Variants in SLC26A7 observed in about 807,000 individuals in gnomAD.
SLC26A7 encodes solute carrier family 26 member 7.
In SLC26A7, 59 loss-of-function variants were observed where a neutral mutation model predicts 82.5. The observed-to-expected ratio is 0.72, with a 90% CI of 0.58 to 0.89. The LOEUF is 0.89. SLC26A7 is among the 40% of genes least tolerant of loss of function. The pLI, the probability that SLC26A7 is intolerant of heterozygous loss-of-function variation, is 0.00. For synonymous variants in SLC26A7, 271 were observed against 274.3 expected (o/e 0.99, Z 0.12); for missense variants, 820 against 793.0 (o/e 1.03, Z -0.41).
chr8:91,264,423 A>G (rs1811052928), intron 2 of SLC26A7, among the ~76,000 whole-genome samples: 1 of 152,082 alleles, frequency 6.6e-6, no homozygotes, highest in Non-Finnish European at 1.5e-5. Flanking sequence ...CTGACACTTC[A>G]AAACAAAATA....
intron 18 of SLC26A7, 117 bp downstream of exon 18, chr8:91,394,156 C>T (rs1808500263): frequency 1.7e-5 from 27 of 1,598,518 alleles, no homozygotes; most frequent in Non-Finnish European, 2.1e-5. Flanking sequence ...TGTTAGCCCC[C>T]CACCCCACCC....
At chr8:91,367,308 G>A (rs929120571) in intron 14 of SLC26A7, among the ~76,000 whole-genome samples, 2 of 152,060 alleles carry the variant, frequency 1.3e-5, no homozygotes, top group Non-Finnish European at 2.9e-5. Context: ...GCGCCCAGTC[G>A]AAAGGATCTT....
chr8:91,289,029 A>G (rs1811789428), intron 2 of SLC26A7, 107 bp from the exon 3 acceptor site: 2 of 705,876 alleles, frequency 2.8e-6, no homozygotes, highest in African/African-American at 3.6e-5. Flanking sequence ...AAGTAGAATA[A>G]AGTATGATTC....
intron 3 of SLC26A7, among the ~76,000 whole-genome samples, chr8:91,293,022 T>A (rs1010196332): frequency 2.6e-5 from 4 of 152,234 alleles, no homozygotes; most frequent in African/African-American, 9.6e-5. Flanking sequence ...TATAATATGA[T>A]AGGACTTGAG....
At chr8:91,394,586 A>G (rs553692238) in intron 18 of SLC26A7, 1 of 1,191,128 alleles carries the variant, frequency 8.4e-7, no homozygotes, top group Non-Finnish European at 1.0e-6. Flanking sequence ...TGAGTTTTGA[A>G]TTGTTTTGCC....
chr8:91,291,558 AAAAAGG>A (rs1401796168), intron 3 of SLC26A7, among the ~76,000 whole-genome samples: 32 of 152,346 alleles, frequency 2.1e-4, no homozygotes, highest in African/African-American at 7.2e-4. Flanking sequence ...AAGATAAAAG[AAAAAGG>A]CAAAACAAGT....
chr8:91,252,675 A>G (rs1365612871), intron 2 of SLC26A7, among the ~76,000 whole-genome samples: 3 of 152,086 alleles, frequency 2.0e-5, no homozygotes, highest in Non-Finnish European at 4.4e-5. Context: ...CTTGAGATCT[A>G]CATATTTATT....
At chr8:91,247,596 A>G (rs977378285), upstream of SLC26A7, among the ~76,000 whole-genome samples, 73 of 152,272 alleles carry the variant, frequency 4.8e-4, 1 homozygote, top group African/African-American at 1.7e-3. Flanking sequence ...ATTTTAAGAA[A>G]TTTTTAAATT....
intron 4 of SLC26A7, among the ~76,000 whole-genome samples, chr8:91,315,427 A>C (rs1812600617): frequency 6.6e-6 from 1 of 151,728 alleles, no homozygotes; most frequent in African/African-American, 2.4e-5. Context: ...TTCAGGATGA[A>C]AACCAACTGA....
chr8:91,239,396 ATATATAT>A (rs1485152479), intron 2 of SLC26A7, among the ~76,000 whole-genome samples: 1 of 105,970 alleles, frequency 9.4e-6, no homozygotes, highest in African/African-American at 3.9e-5. Flanking sequence ...AAAAAAAAAA[ATATATAT>A]ATATATATGT....
chr8:91,350,852 T>G (rs1813695240), intron 9 of SLC26A7, among the ~76,000 whole-genome samples: 1 of 152,198 alleles, frequency 6.6e-6, no homozygotes, highest in Admixed American at 6.6e-5. Context: ...GGTAAGTGTA[T>G]GTGTAACTTT....
chr8:91,350,336 T>G (rs1813678931), intron 9 of SLC26A7, among the ~76,000 whole-genome samples: 1 of 151,814 alleles, frequency 6.6e-6, no homozygotes, highest in Non-Finnish European at 1.5e-5. Flanking sequence ...TAGAGATCTC[T>G]TCCCAGGTTT....
intron 15 of SLC26A7, among the ~76,000 whole-genome samples, chr8:91,373,763 C>T (rs1814430373): frequency 6.6e-6 from 1 of 152,006 alleles, no homozygotes; most frequent in African/African-American, 2.4e-5. Context: ...AGGACTCTCT[C>T]TTCCTCAACT....
At chr8:91,382,656 CACAT>C (rs960881844) in intron 15 of SLC26A7, among the ~76,000 whole-genome samples, 6 of 152,030 alleles carry the variant, frequency 3.9e-5, no homozygotes, top group Non-Finnish European at 8.8e-5. Context: ...GAGAAATTAC[CACAT>C]GCTTTAATCA....
intron 4 of SLC26A7, among the ~76,000 whole-genome samples, chr8:91,296,662 A>G (rs995214342): frequency 2.6e-5 from 4 of 152,218 alleles, no homozygotes; most frequent in African/African-American, 4.8e-5. Flanking sequence ...AAATGAGAAT[A>G]AGAACTCATG....
chr8:91,313,689 C>A (rs1040334689), intron 4 of SLC26A7, among the ~76,000 whole-genome samples: 1 of 152,142 alleles, frequency 6.6e-6, no homozygotes, highest in Admixed American at 6.6e-5. Context: ...TTTCACATCT[C>A]TTTACACGAT....
intron 2 of SLC26A7, among the ~76,000 whole-genome samples, chr8:91,244,213 T>C (rs1810513003): frequency 6.6e-6 from 1 of 152,198 alleles, no homozygotes; most frequent in Non-Finnish European, 1.5e-5. Context: ...ATTTTACTTA[T>C]TTTTTATCAG....
intron 4 of SLC26A7, among the ~76,000 whole-genome samples, chr8:91,303,661 C>T (rs1812227586): frequency 6.6e-6 from 1 of 152,126 alleles, no homozygotes; most frequent in Admixed American, 6.5e-5. Flanking sequence ...GGTCTTATGT[C>T]TTCAAGGATG....
chr8:91,327,362 C>T (rs540962825), intron 5 of SLC26A7, among the ~76,000 whole-genome samples: 1 of 152,216 alleles, frequency 6.6e-6, no homozygotes, highest in East Asian at 1.9e-4. Context: ...GAAGTACCAT[C>T]TAAATGAATA....
Sources: gnomAD v4.1 joint callset for allele counts (sites outside exome capture counted in the v4.1 genomes callset) on GRCh38, gnomAD v4.1.1 for gene constraint, MANE v1.5 for transcripts, NCBI Gene and HGNC (gene_info 2026-07-23, HGNC 2026-07-21) for gene names.